Variants in TSPAN9 observed in about 807,000 individuals in gnomAD.
TSPAN9 encodes tetraspanin-9.
In TSPAN9, 16 loss-of-function variants were observed where a neutral mutation model predicts 31.0. That is an observed-to-expected ratio of 0.52 (90% CI 0.35 to 0.78). TSPAN9 has a LOEUF of 0.78. Ranked by LOEUF, TSPAN9 falls within the 30% of genes least tolerant of loss-of-function variation. The pLI is 0.01. For missense variants in TSPAN9, 272 were observed against 312.5 expected (o/e 0.87, Z 0.98); for synonymous variants, 145 against 121.6 (o/e 1.19, Z -1.27).
chr12:3,111,062 C>T (rs779759127), intron 2 of TSPAN9, among the ~76,000 whole-genome samples: 3 of 152,158 alleles, frequency 2.0e-5, no homozygotes, highest in South Asian at 2.1e-4. Flanking sequence ...CCGGCTGCAT[C>T]GAAGGTTTCA....
chr12:3,089,032 A>T (rs2153962731), intron 2 of TSPAN9, among the ~76,000 whole-genome samples: 1 of 151,978 alleles, frequency 6.6e-6, no homozygotes, highest in Admixed American at 6.5e-5. Context: ...GGAGATCGAG[A>T]TCATCCTGGC....
intron 3 of TSPAN9, among the ~76,000 whole-genome samples, chr12:3,270,119 C>T (rs1026614063): frequency 3.9e-5 from 6 of 152,106 alleles, no homozygotes; most frequent in African/African-American, 1.4e-4. Context: ...CACCGGGCCC[C>T]CTAGGAGGTT....
At chr12:3,224,298 C>T (rs966156401) in intron 3 of TSPAN9, among the ~76,000 whole-genome samples, 23 of 152,162 alleles carry the variant, frequency 1.5e-4, no homozygotes, top group African/African-American at 5.3e-4. Context: ...TGTGGATGAC[C>T]GAGGGTGGTG....
At chr12:3,258,251 C>T (rs765966725) in intron 3 of TSPAN9, among the ~76,000 whole-genome samples, 3 of 152,186 alleles carry the variant, frequency 2.0e-5, no homozygotes, top group Non-Finnish European at 4.4e-5. Flanking sequence ...GTGCAGCTTG[C>T]TCAGTCTCGG....
intron 2 of TSPAN9, among the ~76,000 whole-genome samples, chr12:3,109,268 C>G (rs868318909): frequency 3.7e-4 from 44 of 119,356 alleles, no homozygotes; most frequent in African/African-American, 1.5e-3. Context: ...TTCATATAGT[C>G]TGTGTGTGTG....
At chr12:3,144,393 G>A (rs759928409) in intron 2 of TSPAN9, among the ~76,000 whole-genome samples, 1 of 152,190 alleles carries the variant, frequency 6.6e-6, no homozygotes, top group East Asian at 1.9e-4. Flanking sequence ...GAGCCACTGT[G>A]CCTGGCCAGT....
At chr12:3,175,199 C>G (rs1229126008) in intron 2 of TSPAN9, among the ~76,000 whole-genome samples, 1 of 152,164 alleles carries the variant, frequency 6.6e-6, no homozygotes, top group East Asian at 1.9e-4. Flanking sequence ...TGAGACCTGG[C>G]AAGCAGGAGT....
intron 3 of TSPAN9, among the ~76,000 whole-genome samples, chr12:3,264,521 AG>A (rs1349935952): frequency 6.6e-6 from 1 of 152,184 alleles, no homozygotes; most frequent in Non-Finnish European, 1.5e-5. Flanking sequence ...CAGAGGGAGT[AG>A]AGCCCATCTG....
At chr12:3,103,771 TAA>T (rs2098312918) in intron 2 of TSPAN9, among the ~76,000 whole-genome samples, 1 of 152,136 alleles carries the variant, frequency 6.6e-6, no homozygotes, top group Non-Finnish European at 1.5e-5. Context: ...TGGTTCACAC[TAA>T]GTGTCCTCAG....
At position 3,283,782 on chromosome 12, in the gene TSPAN9, C is replaced by T. The variant is rs547452376; in HGVS notation, c.*666C>T. ...ATGGGTGGGAAGAGAGGACATCTGT[C>T]CAGTCTCAATCAGGACAGACCACCG... On this transcript the variant is annotated 3_prime_UTR_variant, in exon 9 of 9. Coordinates refer to ENST00000011898, the MANE Select transcript of TSPAN9 (RefSeq NM_006675.5). The T allele has an allele frequency of 6.6e-6, 1 of 152,660 alleles. No homozygotes were observed. Among genetic ancestry groups the T allele is most frequent in the East Asian group, 1.9e-4 (1 of 5,170 alleles). The allele number at this position is 152,660 out of a possible 1,614,324, so 9.5% of individuals were successfully genotyped here.
At chr12:3,198,441 G>C (rs1273356874) in intron 2 of TSPAN9, among the ~76,000 whole-genome samples, 10 of 83,916 alleles carry the variant, frequency 1.2e-4, no homozygotes, top group Admixed American at 4.1e-4. Context: ...ACCAGCACAG[G>C]TCACACCAGC....
At chr12:3,210,201 A>G (rs1179427597) in intron 3 of TSPAN9, among the ~76,000 whole-genome samples, 1 of 152,032 alleles carries the variant, frequency 6.6e-6, no homozygotes, top group East Asian at 1.9e-4. Context: ...CTTGAGGAGC[A>G]CTGCTCTGGG....
At position 3,089,186 on chromosome 12, in the gene TSPAN9, C is replaced by T. The variant is rs537734286; in HGVS notation, c.-18+5467C>T. The stretch of plus-strand genomic sequence containing the variant: ...GGTGGAGCTTGCAGTGAGCTGAGAT[C>T]GCGCCACTGCACTCCAGCCTGGGTG... On this transcript the variant is annotated intron_variant, in intron 2 of 8. Coordinates refer to ENST00000011898, the MANE Select transcript of TSPAN9 (RefSeq NM_006675.5). Among the ~76,000 whole-genome samples, 307 of 148,154 alleles carry T rather than the reference C, an allele frequency of 2.1e-3. 1 individual carries two copies. The highest frequency in any genetic ancestry group is 5.3e-3 in the South Asian group (24 of 4,562).
At chr12:3,224,132 C>T (rs1227102304) in intron 3 of TSPAN9, among the ~76,000 whole-genome samples, 1 of 152,130 alleles carries the variant, frequency 6.6e-6, no homozygotes, top group African/African-American at 2.4e-5. Flanking sequence ...CTCCTTCCAT[C>T]AAGTCAGAAT....
chr12:3,247,720 G>A (rs542579650), intron 3 of TSPAN9, among the ~76,000 whole-genome samples: 1 of 152,298 alleles, frequency 6.6e-6, no homozygotes, highest in South Asian at 2.1e-4. Context: ...CTCCATGCTG[G>A]TGTCTAGCCC....
intron 3 of TSPAN9, among the ~76,000 whole-genome samples, chr12:3,248,062 C>T (rs1322505106): frequency 6.6e-6 from 1 of 152,152 alleles, no homozygotes; most frequent in Non-Finnish European, 1.5e-5. Flanking sequence ...CTCAACCTCT[C>T]CGGATTAGAG....
intron 2 of TSPAN9, among the ~76,000 whole-genome samples, chr12:3,188,123 A>G (rs1167618534): frequency 6.6e-6 from 1 of 152,092 alleles, no homozygotes; most frequent in East Asian, 1.9e-4. Flanking sequence ...AAGGTTCCAA[A>G]GACAAGTGCC....
At chr12:3,100,044 T>C (rs560330107) in intron 2 of TSPAN9, among the ~76,000 whole-genome samples, 310 of 152,200 alleles carry the variant, frequency 2.0e-3, no homozygotes, top group African/African-American at 7.2e-3. Context: ...GGTTTCACCA[T>C]GTTAGCCGGG....
At chr12:3,138,302 GAGA>G (rs1053496693) in intron 2 of TSPAN9, among the ~76,000 whole-genome samples, 2 of 152,156 alleles carry the variant, frequency 1.3e-5, no homozygotes, top group Non-Finnish European at 2.9e-5. Context: ...GGGCCCAGCT[GAGA>G]AGGAGAGCGA....
Sources: allele counts gnomAD v4.1 joint callset (sites outside exome capture counted in the v4.1 genomes callset), GRCh38; gene constraint gnomAD v4.1.1; transcripts MANE v1.5; gene names NCBI Gene and HGNC (gene_info 2026-07-23, HGNC 2026-07-21).